PCDH15: variants seen among roughly 807,000 people sequenced by gnomAD.
The protein encoded by PCDH15 is protocadherin related 15, also known as protocadherin-15.
A neutral mutation model predicts 178.5 loss-of-function variants in PCDH15; 129 were observed. The ratio of observed to expected loss-of-function variants is 0.72; its 90% CI spans 0.63 to 0.84. The LOEUF (loss-of-function observed/expected upper bound fraction) is 0.84, where lower values mean the gene tolerates loss of function less well. PCDH15 is among the 40% of genes least tolerant of loss of function. The pLI, the probability that PCDH15 is intolerant of heterozygous loss-of-function variation, is 0.00. For missense variants in PCDH15, 2,230 were observed against 2,099.9 expected (o/e 1.06, Z -1.21); for synonymous variants, 800 against 732.0 (o/e 1.09, Z -1.50).
rs1471485757 is a variant in PCDH15 at position 55,582,617 on chromosome 10, TATATATATA to T, written c.-156+44999_-156+45007del. Reference sequence around the variant, plus strand: ...ATGTGTATATATATATATATATATATATATATATATATTTTTTTTTTTTTGCTATATTTG... The same window carrying T: ...ATGTGTATATATATATATATATATATTATTTTTTTTTTTTTGCTATATTTG... On this transcript the variant is annotated intron_variant, in intron 2 of 5. Coordinates refer to the PCDH15 transcript ENST00000613346. Among the ~76,000 whole-genome samples, 94 of 99,018 alleles carry T rather than the reference TATATATATA, an allele frequency of 9.5e-4. 1 individual carries two copies. Among genetic ancestry groups the T allele is most frequent in the African/African-American group, 1.8e-3 (39 of 21,266 alleles). 65.0% of individuals were successfully genotyped at this position (99,018 alleles called of 152,430 possible). A position where few individuals can be genotyped will look rare whatever the true frequency, so the allele number is the denominator to read the frequency against.
intron 2 of PCDH15, among the ~76,000 whole-genome samples, chr10:55,378,213 T>A (rs950232738): frequency 6.6e-6 from 1 of 151,940 alleles, no homozygotes; most frequent in African/African-American, 2.4e-5. Context: ...ATAATAATAA[T>A]AAAAGATATT....
chr10:54,392,159 T>G (rs1044807374), intron 3 of PCDH15, among the ~76,000 whole-genome samples: 1 of 151,980 alleles, frequency 6.6e-6, no homozygotes, highest in African/African-American at 2.4e-5. Context: ...AAAGCTAGTT[T>G]AATTTAAAAA....
intron 26 of PCDH15, among the ~76,000 whole-genome samples, chr10:53,870,185 T>G (rs1428364180): frequency 2.6e-5 from 4 of 152,162 alleles, no homozygotes; most frequent in Non-Finnish European, 4.4e-5. Flanking sequence ...AACTACAAAA[T>G]AGTCATATTC....
At chr10:53,929,817 A>G (rs1389207255) in intron 25 of PCDH15, among the ~76,000 whole-genome samples, 1 of 152,222 alleles carries the variant, frequency 6.6e-6, no homozygotes, top group Non-Finnish European at 1.5e-5. Flanking sequence ...AAACACAATG[A>G]CATATTTATA....
chr10:54,357,993 C>T (rs1238308449), intron 5 of PCDH15, among the ~76,000 whole-genome samples: 3 of 151,966 alleles, frequency 2.0e-5, no homozygotes, highest in East Asian at 3.9e-4. Flanking sequence ...CCCTTCCTTA[C>T]ACCTTATACA....
chr10:55,537,874 C>T (rs1408395069), intron 2 of PCDH15, among the ~76,000 whole-genome samples: 1 of 152,164 alleles, frequency 6.6e-6, no homozygotes, highest in East Asian at 1.9e-4. Flanking sequence ...GAAGATATCA[C>T]ATATTTGTTT....
intron 22 of PCDH15, among the ~76,000 whole-genome samples, chr10:53,960,327 G>A (rs2088163873): frequency 6.6e-6 from 1 of 152,096 alleles, no homozygotes; most frequent in African/African-American, 2.4e-5. Flanking sequence ...TGAGATTATA[G>A]GGCAGAAATA....
At chr10:55,568,564 A>T (rs905032408) in intron 2 of PCDH15, among the ~76,000 whole-genome samples, 1 of 152,002 alleles carries the variant, frequency 6.6e-6, no homozygotes, top group East Asian at 1.9e-4. Flanking sequence ...ATAAATAAAT[A>T]AAAAAACAAA....
chr10:54,101,818 TAAG>T (rs1300757891), intron 15 of PCDH15, among the ~76,000 whole-genome samples: 2 of 151,610 alleles, frequency 1.3e-5, no homozygotes, highest in Non-Finnish European at 2.9e-5. Flanking sequence ...AAAAAAAAGA[TAAG>T]AAAATTAGCT....
At chr10:55,163,467 C>A (rs918526735) in intron 2 of PCDH15, among the ~76,000 whole-genome samples, 1 of 152,088 alleles carries the variant, frequency 6.6e-6, no homozygotes, top group African/African-American at 2.4e-5. Flanking sequence ...ACCAAAGAGA[C>A]TCCGTTATGA....
intron 2 of PCDH15, among the ~76,000 whole-genome samples, chr10:55,439,139 G>A (rs757748905): frequency 6.6e-6 from 1 of 151,890 alleles, no homozygotes; most frequent in Non-Finnish European, 1.5e-5. Context: ...TCCTGACCTC[G>A]TGATCCACCT....
intron 26 of PCDH15, among the ~76,000 whole-genome samples, chr10:53,871,305 C>A (rs1223501783): frequency 6.6e-6 from 1 of 152,104 alleles, no homozygotes. Flanking sequence ...CGCGCCACAG[C>A]ACTCCAGCCT....
chr10:54,008,267 AG>A (rs2135118289), intron 20 of PCDH15, among the ~76,000 whole-genome samples: 1 of 152,334 alleles, frequency 6.6e-6, no homozygotes, highest in South Asian at 2.1e-4. Context: ...CCTTGACCAA[AG>A]GAATGGTGTG....
chr10:54,865,594 G>A (rs961940847), intron 3 of PCDH15, among the ~76,000 whole-genome samples: 24 of 152,090 alleles, frequency 1.6e-4, no homozygotes, highest in African/African-American at 5.6e-4. Context: ...CCAATCACCT[G>A]CCACCAGATC....
At chr10:54,077,534 CT>C (rs1390574503) in intron 17 of PCDH15, among the ~76,000 whole-genome samples, 3 of 152,112 alleles carry the variant, frequency 2.0e-5, no homozygotes, top group Non-Finnish European at 2.9e-5. Context: ...ATTATCCTTT[CT>C]TTTTTTCCTA....
chr10:55,308,236 G>T (rs1180155969), intron 1 of PCDH15, among the ~76,000 whole-genome samples: 3 of 152,130 alleles, frequency 2.0e-5, no homozygotes, highest in African/African-American at 7.2e-5. Context: ...TTTGAGATGT[G>T]TGTCTCTATA....
chr10:54,596,169 G>C (rs928007555), intron 2 of PCDH15, among the ~76,000 whole-genome samples: 1 of 152,040 alleles, frequency 6.6e-6, no homozygotes, highest in Non-Finnish European at 1.5e-5. Context: ...ATCAGGTTCT[G>C]TAAGGTCAAA....
chr10:55,572,421 CTAG>C (rs905172325), intron 2 of PCDH15, among the ~76,000 whole-genome samples: 11 of 150,842 alleles, frequency 7.3e-5, no homozygotes, highest in African/African-American at 2.7e-4. Flanking sequence ...AACCACCTAG[CTAG>C]TATATTAATA....
intron 1 of PCDH15, among the ~76,000 whole-genome samples, chr10:54,735,166 A>G (rs1292743832): frequency 6.6e-6 from 1 of 152,080 alleles, no homozygotes. Context: ...TATTTTATGC[A>G]TAGAAAAATC....
Sources: gnomAD v4.1 joint callset for allele counts (sites outside exome capture counted in the v4.1 genomes callset) on GRCh38, gnomAD v4.1.1 for gene constraint, MANE v1.5 for transcripts, NCBI Gene and HGNC (gene_info 2026-07-23, HGNC 2026-07-21) for gene names.